The following KLF7 variants were observed in gnomAD, a reference collection of about 807,000 sequenced individuals.
KLF7 encodes the protein KLF transcription factor 7, also known as Krueppel-like factor 7.
Under a neutral mutation model 27.3 loss-of-function variants are expected in KLF7, and 2 were observed. That is an observed-to-expected ratio of 0.07 (90% CI 0.03 to 0.23). The LOEUF is 0.23. KLF7 is among the 10% of genes least tolerant of loss of function. The probability of loss-of-function intolerance (pLI) is 1.00; values close to 1 mark genes in which losing one functional copy is unlikely to be tolerated. For missense variants in KLF7, 221 were observed against 394.1 expected (o/e 0.56, Z 3.72); for synonymous variants, 165 against 162.4 (o/e 1.02, Z -0.12).
chr2:207,129,392 A>T (rs1023577526), intron 1 of KLF7, among the ~76,000 whole-genome samples: 1 of 152,206 alleles, frequency 6.6e-6, no homozygotes, highest in Non-Finnish European at 1.5e-5. Flanking sequence ...CCCCTAAAAA[A>T]TTCATTACAG....
At position 207,126,820 on chromosome 2, in the gene KLF7, A is replaced by AG. The variant is rs1456864545; in HGVS notation, c.103-2417_103-2416insC. 9.5e-4 allele frequency among the ~76,000 whole-genome samples: 145 copies of AG among 152,036 alleles called. 1 individual carries two copies. The highest frequency in any genetic ancestry group is 3.4e-3 in the African/African-American group (139 of 41,470). On this transcript the variant is annotated intron_variant, in intron 1 of 3. Coordinates refer to ENST00000309446, the MANE Select transcript of KLF7 (RefSeq NM_003709.4). ...GACCCTGTTTCTACCAAAAAAAAAA[A>AG]AAAAAATCAGCTGACTCATGGGGTA...
chr2:207,149,117 C>T (rs1217363520), intron 1 of KLF7: 3 of 1,279,156 alleles, frequency 2.3e-6, no homozygotes, highest in Middle Eastern at 2.2e-4. Context: ...GTCTTTTCCC[C>T]AGTCCCACCC....
intron 1 of KLF7, among the ~76,000 whole-genome samples, chr2:207,126,026 AGT>A (rs2077468194): frequency 6.6e-6 from 1 of 152,216 alleles, no homozygotes; most frequent in African/African-American, 2.4e-5. Context: ...TTAGTGAAAA[AGT>A]AAGTTTTGAT....
chr2:207,137,758 C>T (rs2106045495), intron 1 of KLF7, among the ~76,000 whole-genome samples: 2 of 152,284 alleles, frequency 1.3e-5, no homozygotes, highest in African/African-American at 4.8e-5. Context: ...GCCTCTCTCT[C>T]TAAATCTTTC....
At chr2:207,146,789 C>A (rs912748368) in intron 1 of KLF7, among the ~76,000 whole-genome samples, 7 of 152,206 alleles carry the variant, frequency 4.6e-5, no homozygotes, top group African/African-American at 1.7e-4. Flanking sequence ...TGTCTCTCAT[C>A]CGGCCTCTTT....
At chr2:207,154,924 C>T (rs1474099680) in intron 1 of KLF7, among the ~76,000 whole-genome samples, 3 of 152,152 alleles carry the variant, frequency 2.0e-5, no homozygotes, top group Non-Finnish European at 4.4e-5. Context: ...AAAACCAAAG[C>T]CCAGAAAGAA....
chr2:207,110,310 C>T (rs1352184867), intron 2 of KLF7, among the ~76,000 whole-genome samples: 5 of 152,190 alleles, frequency 3.3e-5, no homozygotes, highest in Admixed American at 2.0e-4. Context: ...CAAATGCCAG[C>T]GCAATATACA....
At chr2:207,131,541 T>C (rs2077635096) in intron 1 of KLF7, among the ~76,000 whole-genome samples, 1 of 152,220 alleles carries the variant, frequency 6.6e-6, no homozygotes, top group Admixed American at 6.5e-5. Flanking sequence ...AGCCACCCTC[T>C]AAAATACTCA....
chr2:207,081,473 A>G (rs2076270177), intron 3 of KLF7, among the ~76,000 whole-genome samples: 1 of 152,234 alleles, frequency 6.6e-6, no homozygotes, highest in Non-Finnish European at 1.5e-5. Flanking sequence ...CTCGGAGCAC[A>G]TTAACCTGTC....
chr2:207,123,522 C>T (rs895579166), intron 2 of KLF7, among the ~76,000 whole-genome samples: 10 of 152,224 alleles, frequency 6.6e-5, no homozygotes, highest in African/African-American at 2.4e-4. Context: ...GGGCCCCCTT[C>T]AGCCATCCTC....
In KLF7 at chr2:207,091,023, C is replaced by T. The variant is rs1036582801; in HGVS notation, c.734-2442G>A. ...AACACACTTCCAATGCAATGAGGCA[C>T]CTAGGAAATTCCATGAAATTCTACA... On this transcript the variant is annotated intron_variant, in intron 2 of 3. Coordinates refer to ENST00000309446, the MANE Select transcript of KLF7 (RefSeq NM_003709.4). Among the ~76,000 whole-genome samples the T allele has an allele frequency of 2.0e-5, 3 of 152,082 alleles. 1 individual carries two copies. The highest frequency in any genetic ancestry group is 4.4e-5 in the Non-Finnish European group (3 of 68,022).
intron 2 of KLF7, among the ~76,000 whole-genome samples, chr2:207,095,101 C>T (rs1265253059): frequency 7.2e-5 from 9 of 125,128 alleles, no homozygotes; most frequent in Non-Finnish European, 1.3e-4. Context: ...AGTGCAGTGG[C>T]GCGATCTCGG....
In KLF7 at chr2:207,112,031, C is replaced by T. The variant is rs74476738; in HGVS notation, c.733+11743G>A. Among the ~76,000 whole-genome samples, 773 of 151,916 alleles carry T rather than the reference C, an allele frequency of 5.1e-3. 11 individuals carry two copies. The highest frequency in any genetic ancestry group is 0.018 in the African/African-American group (746 of 41,332). On this transcript the variant is annotated intron_variant, in intron 2 of 3. Coordinates refer to ENST00000309446, the MANE Select transcript of KLF7 (RefSeq NM_003709.4). Reference sequence around the variant, plus strand: ...CTTGCAAAGTTGTTATTCTGACAGTCTGCTGTCAACAAAGATGAAATACTC... The same window carrying T: ...CTTGCAAAGTTGTTATTCTGACAGTTTGCTGTCAACAAAGATGAAATACTC...
chr2:207,115,129 C>T (rs2077144463), intron 2 of KLF7, among the ~76,000 whole-genome samples: 1 of 147,688 alleles, frequency 6.8e-6, no homozygotes, highest in Admixed American at 6.8e-5. Context: ...AGGGGTCTTA[C>T]ATGAATGCAG....
At chr2:207,085,252 C>A (rs996402053) in intron 3 of KLF7, among the ~76,000 whole-genome samples, 1 of 146,762 alleles carries the variant, frequency 6.8e-6, no homozygotes, top group Admixed American at 6.8e-5. Flanking sequence ...GACCAAGAGG[C>A]TAAGATACGG....
intron 2 of KLF7, among the ~76,000 whole-genome samples, chr2:207,105,904 A>C (rs1486138296): frequency 6.6e-6 from 1 of 152,208 alleles, no homozygotes; most frequent in African/African-American, 2.4e-5. Context: ...AATGTGCTCT[A>C]AGTGTAAAAT....
At chr2:207,091,111 C>T (rs2076500778) in intron 2 of KLF7, among the ~76,000 whole-genome samples, 1 of 152,134 alleles carries the variant, frequency 6.6e-6, no homozygotes, top group African/African-American at 2.4e-5. Flanking sequence ...TTGTCTATCA[C>T]AGGCAACCAC....
At chr2:207,133,980 G>A (rs747613061) in intron 1 of KLF7, 11 of 950,298 alleles carry the variant, frequency 1.2e-5, no homozygotes, top group Non-Finnish European at 1.7e-5. Context: ...TTTACAGCCC[G>A]CTCTTATGCA....
chr2:207,170,553 C>T (rs746732517), upstream of KLF7, among the ~76,000 whole-genome samples: 69 of 152,276 alleles, frequency 4.5e-4, no homozygotes, highest in Non-Finnish European at 8.4e-4. Context: ...CAATGTCTGG[C>T]TTCAAAACTT....
Sources: gnomAD v4.1 joint callset for allele counts (sites outside exome capture counted in the v4.1 genomes callset) on GRCh38, gnomAD v4.1.1 for gene constraint, MANE v1.5 for transcripts, NCBI Gene and HGNC (gene_info 2026-07-23, HGNC 2026-07-21) for gene names.